The following CCSER1 variants were observed in gnomAD, a reference collection of about 807,000 sequenced individuals.
CCSER1 encodes the protein coiled-coil serine rich protein 1, also known as serine-rich coiled-coil domain-containing protein 1.
A neutral mutation model predicts 82.0 loss-of-function variants in CCSER1; 41 were observed. The observed-to-expected ratio is 0.50, with a 90% CI of 0.39 to 0.65. CCSER1 has a LOEUF of 0.65. Among genes scored for constraint, CCSER1 ranks in the 30% least tolerant of loss-of-function variants. The pLI, the probability that CCSER1 is intolerant of heterozygous loss-of-function variation, is 0.00. For missense variants in CCSER1, 1,119 were observed against 1,064.2 expected (o/e 1.05, Z -0.72); for synonymous variants, 414 against 383.9 (o/e 1.08, Z -0.92).
intron 7 of CCSER1, among the ~76,000 whole-genome samples, chr4:90,788,682 T>G (rs1754845996): frequency 6.6e-6 from 1 of 152,200 alleles, no homozygotes; most frequent in Admixed American, 6.5e-5. Context: ...AAATAATATA[T>G]CCTGACTTAC....
chr4:91,160,379 A>ACATGTCTTTATAC (rs1731264634), intron 10 of CCSER1, among the ~76,000 whole-genome samples: 2 of 152,212 alleles, frequency 1.3e-5, no homozygotes, highest in Admixed American at 1.3e-4. Flanking sequence ...TCTTTATAGT[A>ACATGTCTTTATAC]CCATGATTTA....
At position 90,143,489 on chromosome 4, in the gene CCSER1, CAT is replaced by C. The variant is rs1314860788; in HGVS notation, c.-42+15660_-42+15661del. 6.1e-3 allele frequency among the ~76,000 whole-genome samples: 799 copies of C among 130,702 alleles called. 1 individual carries two copies. Among genetic ancestry groups the C allele is most frequent in the Non-Finnish European group, 8.9e-3 (563 of 63,008 alleles). The allele number at this position is 130,702 out of a possible 152,430, so 85.7% of individuals were successfully genotyped here. A position where few individuals can be genotyped will look rare whatever the true frequency, so the allele number is the denominator to read the frequency against. ...ATTTCTGTTTCCTAGCAAGTACACA[CAT>C]ACACACACACACACACACACACACA... is the stretch of plus-strand genomic sequence containing the variant. On this transcript the variant is annotated intron_variant, in intron 1 of 10. Transcript: ENST00000509176.
chr4:90,190,565 A>C (rs1378406187), intron 1 of CCSER1, among the ~76,000 whole-genome samples: 3 of 152,120 alleles, frequency 2.0e-5, no homozygotes, highest in Non-Finnish European at 4.4e-5. Context: ...GGATTTGTGA[A>C]TATTTGTATG....
intron 5 of CCSER1, among the ~76,000 whole-genome samples, chr4:90,610,218 A>G (rs1785269600): frequency 6.6e-6 from 1 of 151,762 alleles, no homozygotes; most frequent in African/African-American, 2.4e-5. Flanking sequence ...GCGCCACTGC[A>G]CTCCAGACTG....
chr4:90,933,274 A>C (rs528937773), intron 9 of CCSER1, among the ~76,000 whole-genome samples: 3 of 147,480 alleles, frequency 2.0e-5, no homozygotes, highest in Admixed American at 6.8e-5. Flanking sequence ...TGCAATCTCC[A>C]CCTCCCGGGT....
chr4:91,201,244 G>C (rs1243849556), intron 10 of CCSER1, among the ~76,000 whole-genome samples: 1 of 152,040 alleles, frequency 6.6e-6, no homozygotes, highest in Non-Finnish European at 1.5e-5. Flanking sequence ...TAATAGTACT[G>C]GAGCTGGCTG....
At chr4:91,384,810 A>G (rs1751171340) in intron 10 of CCSER1, among the ~76,000 whole-genome samples, 1 of 152,128 alleles carries the variant, frequency 6.6e-6, no homozygotes. Context: ...TACGGAAGAT[A>G]CAAATAGGCA....
chr4:90,736,196 T>C lies in CCSER1; in HGVS notation c.2010+12205T>C, dbSNP rs574277295. 1.6e-4 allele frequency among the ~76,000 whole-genome samples: 24 copies of C among 152,184 alleles called. No homozygotes were observed. In the East Asian group the frequency reaches 4.6e-3, roughly 29 times the overall value. On this transcript the variant is annotated intron_variant, in intron 7 of 10. Transcript: ENST00000509176. ...TATTCTGAAGCCTTTGGATGAAAAA[T>C]GTTCTGTAAATATCTGTTAGGTCCA... is the stretch of plus-strand genomic sequence containing the variant.
intron 8 of CCSER1, among the ~76,000 whole-genome samples, chr4:90,855,172 G>C (rs955442420): frequency 6.6e-6 from 1 of 151,978 alleles, no homozygotes; most frequent in African/African-American, 2.4e-5. Flanking sequence ...GATTTGGCTG[G>C]GGACACAGAG....
At chr4:90,879,225 T>C (rs1454185014) in intron 8 of CCSER1, among the ~76,000 whole-genome samples, 1 of 152,192 alleles carries the variant, frequency 6.6e-6, no homozygotes, top group Non-Finnish European at 1.5e-5. Flanking sequence ...GTGATTGCAT[T>C]GTGAAATTCT....
At chr4:91,389,993 A>G (rs1220183450) in intron 10 of CCSER1, among the ~76,000 whole-genome samples, 17 of 152,166 alleles carry the variant, frequency 1.1e-4, no homozygotes, top group Admixed American at 1.1e-3. Flanking sequence ...TGAATATACA[A>G]TCATGTATCT....
intron 5 of CCSER1, among the ~76,000 whole-genome samples, chr4:90,551,706 C>CTATATATATATATATATATA (rs1553940962): frequency 2.9e-5 from 3 of 104,228 alleles, no homozygotes; most frequent in African/African-American, 1.4e-4. Flanking sequence ...CTCTCTCTCT[C>CTATATATATATATATATATA]TATATATATA....
At chr4:90,242,268 G>A (rs1747008070) in intron 1 of CCSER1, among the ~76,000 whole-genome samples, 1 of 152,278 alleles carries the variant, frequency 6.6e-6, no homozygotes, top group East Asian at 1.9e-4. Flanking sequence ...GATTGTGCCA[G>A]TGCACTCTAG....
chr4:90,159,874 T>G (rs1166411672), intron 1 of CCSER1, among the ~76,000 whole-genome samples: 5 of 152,222 alleles, frequency 3.3e-5, no homozygotes, highest in Non-Finnish European at 7.3e-5. Context: ...TGCCAAGCCA[T>G]TTTTACTCTT....
chr4:90,605,035 G>A (rs569093013), intron 5 of CCSER1, among the ~76,000 whole-genome samples: 3 of 152,290 alleles, frequency 2.0e-5, no homozygotes, highest in South Asian at 2.1e-4. Context: ...TTCTTTGGCT[G>A]TTGGCAGTAA....
intron 1 of CCSER1, among the ~76,000 whole-genome samples, chr4:90,231,558 G>T (rs1261343579): frequency 1.4e-5 from 2 of 142,954 alleles, no homozygotes; most frequent in African/African-American, 5.5e-5. Flanking sequence ...TTGAAAACTG[G>T]CACAAGACAG....
chr4:90,369,808 T>C (rs937342766), intron 3 of CCSER1, among the ~76,000 whole-genome samples: 2 of 152,054 alleles, frequency 1.3e-5, no homozygotes, highest in Admixed American at 6.6e-5. Context: ...TGCTGCTGTT[T>C]CTTTGAGATA....
intron 10 of CCSER1, among the ~76,000 whole-genome samples, chr4:91,241,844 T>C (rs1280830851): frequency 6.6e-6 from 1 of 152,154 alleles, no homozygotes; most frequent in Non-Finnish European, 1.5e-5. Flanking sequence ...GATATTGTGC[T>C]AAGGAGGGGA....
chr4:90,489,857 A>T (rs1050617784), intron 5 of CCSER1, among the ~76,000 whole-genome samples: 1 of 152,024 alleles, frequency 6.6e-6, no homozygotes, highest in African/African-American at 2.4e-5. Context: ...GAACTCATCC[A>T]TTTTTATGGC....
Sources: gnomAD v4.1 joint callset for allele counts (sites outside exome capture counted in the v4.1 genomes callset) on GRCh38, gnomAD v4.1.1 for gene constraint, MANE v1.5 for transcripts, NCBI Gene and HGNC (gene_info 2026-07-23, HGNC 2026-07-21) for gene names.